Variants in DPP10 observed in about 807,000 individuals in gnomAD.
The protein encoded by DPP10 is dipeptidyl peptidase like 10, also known as inactive dipeptidyl peptidase 10.
DPP10 carries 33 observed loss-of-function variants against 120.9 expected under a neutral mutation model. That is an observed-to-expected ratio of 0.27 (90% confidence interval 0.21 to 0.37). DPP10 has a LOEUF of 0.37. Among genes scored for constraint, DPP10 ranks in the 10% least tolerant of loss-of-function variants. The pLI is 1.00. For missense variants in DPP10, 816 were observed against 942.8 expected (o/e 0.87, Z 1.76); for synonymous variants, 337 against 326.1 (o/e 1.03, Z -0.36).
At chr2:114,778,173 A>G (rs1681932154) in intron 1 of DPP10, among the ~76,000 whole-genome samples, 1 of 152,112 alleles carries the variant, frequency 6.6e-6, no homozygotes, top group African/African-American at 2.4e-5. Context: ...TACCCTAATC[A>G]TTATCATCTT....
intron 1 of DPP10, chr2:114,707,303 T>C (rs1377527016): frequency 6.6e-6 from 1 of 151,518 alleles, no homozygotes; most frequent in Non-Finnish European, 1.5e-5. Context: ...AGTGGACTCT[T>C]ATCAGCCCAA....
At chr2:115,290,412 G>A (rs1052831152) in intron 1 of DPP10, among the ~76,000 whole-genome samples, 2 of 152,074 alleles carry the variant, frequency 1.3e-5, no homozygotes, top group Non-Finnish European at 2.9e-5. Flanking sequence ...GGATAAATAG[G>A]CAGGTGGATA....
At chr2:115,740,189 G>A (rs1575645405) in intron 9 of DPP10, among the ~76,000 whole-genome samples, 1 of 151,906 alleles carries the variant, frequency 6.6e-6, no homozygotes, top group African/African-American at 2.4e-5. Context: ...GCAATTGGGG[G>A]TGTACTGAGG....
chr2:115,242,444 A>G (rs75104781), intron 1 of DPP10, among the ~76,000 whole-genome samples: 1 of 152,118 alleles, frequency 6.6e-6, no homozygotes, highest in Non-Finnish European at 1.5e-5. Context: ...ATATTTCTGC[A>G]ATTGCAAATT....
chr2:115,082,023 G>T (rs1021093899), intron 1 of DPP10, among the ~76,000 whole-genome samples: 2 of 152,046 alleles, frequency 1.3e-5, no homozygotes, highest in African/African-American at 2.4e-5. Context: ...CTTCTTTTCA[G>T]GCCTCAAAAT....
intron 1 of DPP10, among the ~76,000 whole-genome samples, chr2:114,755,951 TA>T (rs57668109): frequency 0.013 from 1,734 of 129,668 alleles, 15 homozygotes; most frequent in Middle Eastern, 0.04. Context: ...AGGAAGAAAT[TA>T]AAAAAAAAAA....
chr2:115,363,556 T>C (rs534139919), intron 3 of DPP10, among the ~76,000 whole-genome samples: 8 of 152,314 alleles, frequency 5.3e-5, no homozygotes, highest in Admixed American at 1.3e-4. Flanking sequence ...CTAGGAGACA[T>C]GGTGCGCAAG....
At chr2:115,332,469 T>C (rs567744634) in intron 2 of DPP10, among the ~76,000 whole-genome samples, 5 of 152,262 alleles carry the variant, frequency 3.3e-5, no homozygotes, top group Non-Finnish European at 7.4e-5. Context: ...TCTGCTAGCT[T>C]TTGAATGTGT....
At chr2:115,656,448 G>C (rs1041201295) in intron 5 of DPP10, among the ~76,000 whole-genome samples, 5 of 151,434 alleles carry the variant, frequency 3.3e-5, no homozygotes, top group African/African-American at 1.2e-4. Context: ...TTTATATGTA[G>C]TTCTGAAGAT....
At chr2:114,907,516 A>G (rs78740717) in intron 1 of DPP10, among the ~76,000 whole-genome samples, 1,554 of 152,188 alleles carry the variant, frequency 0.01, 26 homozygotes, top group African/African-American at 0.036. Context: ...CATTTATCTT[A>G]AACTATTTTC....
intron 1 of DPP10, among the ~76,000 whole-genome samples, chr2:114,443,713 A>C (rs1677787936): frequency 1.3e-5 from 2 of 151,662 alleles, no homozygotes; most frequent in Middle Eastern, 3.4e-3. Context: ...AAAAAAAAAA[A>C]ACTAAAACAA....
intron 1 of DPP10, among the ~76,000 whole-genome samples, chr2:114,581,286 C>T (rs1690504052): frequency 6.8e-6 from 1 of 146,470 alleles, no homozygotes; most frequent in Admixed American, 7.1e-5. Context: ...TGGGTTCACG[C>T]CATTCTCCTG....
intron 10 of DPP10, among the ~76,000 whole-genome samples, chr2:115,747,323 A>G (rs1256393962): frequency 6.6e-6 from 1 of 152,232 alleles, no homozygotes; most frequent in Non-Finnish European, 1.5e-5. Flanking sequence ...ATTGGCATAT[A>G]ATGTAATACA....
At chr2:114,661,182 C>A (rs1326701086) in intron 1 of DPP10, among the ~76,000 whole-genome samples, 1 of 152,074 alleles carries the variant, frequency 6.6e-6, no homozygotes, top group Non-Finnish European at 1.5e-5. Context: ...GTTGAGTGTT[C>A]TGGAATGCTA....
At chr2:115,761,463 G>T (rs190593836) in intron 11 of DPP10, among the ~76,000 whole-genome samples, 56 of 152,184 alleles carry the variant, frequency 3.7e-4, no homozygotes, top group African/African-American at 1.3e-3. Context: ...GAGATAAAAA[G>T]ACTTTGCATT....
intron 3 of DPP10, among the ~76,000 whole-genome samples, chr2:115,493,406 T>A (rs1352554115): frequency 6.6e-6 from 1 of 151,834 alleles, no homozygotes; most frequent in Non-Finnish European, 1.5e-5. Context: ...TGATCTAGCA[T>A]AGAATTAGAA....
intron 3 of DPP10, among the ~76,000 whole-genome samples, chr2:115,415,629 T>C (rs929111225): frequency 6.6e-6 from 1 of 151,956 alleles, no homozygotes; most frequent in African/African-American, 2.4e-5. Flanking sequence ...TCAACTGCAG[T>C]TCTCAAATAT....
At chr2:115,513,887 T>C (rs1326143118) in intron 4 of DPP10, among the ~76,000 whole-genome samples, 1 of 152,142 alleles carries the variant, frequency 6.6e-6, no homozygotes, top group Non-Finnish European at 1.5e-5. Context: ...CAAGTGACTA[T>C]TTATTGTCAT....
intron 1 of DPP10, among the ~76,000 whole-genome samples, chr2:114,854,294 C>T (rs145907163): frequency 6.6e-6 from 1 of 152,280 alleles, no homozygotes; most frequent in African/African-American, 2.4e-5. Context: ...TTTTAACTTA[C>T]TATTTATCCT....
Sources: gnomAD v4.1 joint callset for allele counts (sites outside exome capture counted in the v4.1 genomes callset) on GRCh38, gnomAD v4.1.1 for gene constraint, MANE v1.5 for transcripts, NCBI Gene and HGNC (gene_info 2026-07-23, HGNC 2026-07-21) for gene names.